Variants in BTBD16 observed in about 807,000 individuals in gnomAD.
BTBD16 encodes the protein BTB domain containing 16.
A neutral mutation model predicts 67.4 loss-of-function variants in BTBD16; 66 were observed. The observed-to-expected ratio is 0.98, with a 90% CI of 0.80 to 1.20. The LOEUF is 1.20. Ranked by LOEUF, BTBD16 falls within the 50% of genes most tolerant of loss-of-function variation. The pLI is 0.00. For missense variants in BTBD16, 634 were observed against 616.0 expected, an observed-to-expected ratio of 1.03 and a Z score of -0.31; for synonymous variants, 242 against 236.4, an observed-to-expected ratio of 1.02 and a Z score of -0.22.
intron 10 of BTBD16, among the ~76,000 whole-genome samples, chr10:122,317,710 G>A (rs940726241): frequency 3.3e-5 from 5 of 151,876 alleles, no homozygotes; most frequent in Non-Finnish European, 7.4e-5. Flanking sequence ...ACAAACACAC[G>A]TATTAGCCTA....
intron 5 of BTBD16, 124 bp downstream of exon 5, chr10:122,286,372 A>G (rs911774): frequency 0.82 from 1,111,882 of 1,362,322 alleles, 455,716 homozygotes; most frequent in East Asian, 1. Flanking sequence ...AAGGCTCCAC[A>G]GTGTTATCTC....
In BTBD16 at chr10:122,289,998, G is replaced by A. The variant is rs747392512; in HGVS notation, c.475G>A (p.Ala159Thr). 12 of 1,592,908 alleles carry A rather than the reference G, an allele frequency of 7.5e-6. No individual in the cohort carries two copies. The highest frequency in any genetic ancestry group is 5.4e-5 in the African/African-American group (4 of 74,390). The change falls in exon 6 of 16, where the codon GCC becomes ACC. Residue 159 changes from alanine to threonine, a missense_variant and splice_region_variant. Physicochemically the swap from Ala to Thr is moderately conservative, Grantham distance 58 (BLOSUM62 0). Transcript: ENST00000260723. Reference sequence around the variant, plus strand: ...CAATGACCCACTGGTCACTAAAGTCGGTATGTATATACCCGTCTATATTCT... The same window carrying A: ...CAATGACCCACTGGTCACTAAAGTCAGTATGTATATACCCGTCTATATTCT... The part of the protein sequence containing the change: ...KINDPLVTKV[A>T]FATALKNLYM...
intron 4 of BTBD16, among the ~76,000 whole-genome samples, chr10:122,284,457 A>G (rs2096359446): frequency 6.6e-6 from 1 of 152,116 alleles, no homozygotes; most frequent in Non-Finnish European, 1.5e-5. Context: ...TCAAAAAAAA[A>G]AAAAGTAGTC....
At chr10:122,281,873 G>GTCA (rs1188765842) in intron 3 of BTBD16, among the ~76,000 whole-genome samples, 1 of 152,116 alleles carries the variant, frequency 6.6e-6, no homozygotes, top group East Asian at 1.9e-4. Flanking sequence ...CTCCATCATG[G>GTCA]TCATGACTTG....
intron 15 of BTBD16, 88 bp downstream of exon 15, chr10:122,336,770 G>A: frequency 8.2e-7 from 1 of 1,226,700 alleles, no homozygotes; most frequent in Non-Finnish European, 1.1e-6. Flanking sequence ...CTAATCTCCA[G>A]TGCTCTACAC....
At chr10:122,301,606 C>T (rs11200541) in intron 9 of BTBD16, among the ~76,000 whole-genome samples, 6,132 of 152,150 alleles carry the variant, frequency 0.04, 372 homozygotes, top group East Asian at 0.23. Context: ...AGGTGGGAAA[C>T]GGTTCAGGAA....
intron 10 of BTBD16, among the ~76,000 whole-genome samples, chr10:122,317,331 A>G (rs115125092): frequency 3.3e-5 from 5 of 152,226 alleles, no homozygotes; most frequent in African/African-American, 1.2e-4. Flanking sequence ...TTAATTTTTT[A>G]CTTTTTAAAC....
chr10:122,301,129 C>A (rs957469130), intron 9 of BTBD16, among the ~76,000 whole-genome samples: 1 of 152,150 alleles, frequency 6.6e-6, no homozygotes. Context: ...GGTGCTCCCC[C>A]ACTCCCCAGC....
At chr10:122,330,765 T>G (rs1397401593) in intron 11 of BTBD16, among the ~76,000 whole-genome samples, 1 of 152,108 alleles carries the variant, frequency 6.6e-6, no homozygotes, top group Admixed American at 6.6e-5. Context: ...TTTCACTCTG[T>G]CCCCCAAGGC....
intron 15 of BTBD16, among the ~76,000 whole-genome samples, chr10:122,337,056 C>T (rs2096464419): frequency 6.6e-6 from 1 of 152,202 alleles, no homozygotes; most frequent in Non-Finnish European, 1.5e-5. Context: ...CAGCCCAGAC[C>T]CACCTGCCTC....
chr10:122,272,173 A>G (rs889235118), intron 1 of BTBD16, among the ~76,000 whole-genome samples: 22 of 152,242 alleles, frequency 1.4e-4, no homozygotes, highest in African/African-American at 4.3e-4. Context: ...AAACTCAGCC[A>G]TCAAGGAAAA....
At chr10:122,334,089 T>C (rs1315137529) in intron 13 of BTBD16, among the ~76,000 whole-genome samples, 1 of 152,196 alleles carries the variant, frequency 6.6e-6, no homozygotes, top group African/African-American at 2.4e-5. Flanking sequence ...GCTTTCCCCA[T>C]GTTTCCTAGG....
chr10:122,312,449 A>T (rs1460152662), intron 10 of BTBD16, among the ~76,000 whole-genome samples: 3 of 151,064 alleles, frequency 2.0e-5, no homozygotes, highest in African/African-American at 7.3e-5. Context: ...AGTAGCTGGG[A>T]CTATAGGCAT....
intron 14 of BTBD16, among the ~76,000 whole-genome samples, chr10:122,335,953 C>G (rs2096462663): frequency 6.6e-6 from 1 of 152,116 alleles, no homozygotes; most frequent in Admixed American, 6.5e-5. Flanking sequence ...ACTGCAACCT[C>G]CATATAAAGG....
At chr10:122,335,632 G>T (rs997326605) in intron 14 of BTBD16, among the ~76,000 whole-genome samples, 6 of 152,226 alleles carry the variant, frequency 3.9e-5, no homozygotes, top group African/African-American at 1.4e-4. Flanking sequence ...GTGTTAATCT[G>T]TGCAGGGTGG....
In BTBD16 at chr10:122,304,970, C is replaced by T. The variant is rs181748524; in HGVS notation, c.792-2219C>T. ...CCACATATCCATAAGAGCTTCCATC[C>T]GCTGAGCATGTCATGATGTGCCAGG... is the stretch of plus-strand genomic sequence containing the variant. On this transcript the variant is annotated intron_variant, in intron 9 of 15. Coordinates refer to ENST00000260723, the MANE Select transcript of BTBD16 (RefSeq NM_144587.5). Among the ~76,000 whole-genome samples the T allele has an allele frequency of 4.1e-3, 630 of 152,232 alleles. 2 individuals are homozygous for T. Among genetic ancestry groups the T allele is most frequent in the African/African-American group, 0.014 (589 of 41,530 alleles).
rs534350492 is a variant in BTBD16 at position 122,317,463 on chromosome 10, C to T, written c.911+10155C>T. Reference sequence around the variant, plus strand: ...GAGATCGAGACCATCCTGGCTAACACGGTGAAACCCTGTCTCTACTAAAAA... The same window carrying T: ...GAGATCGAGACCATCCTGGCTAACATGGTGAAACCCTGTCTCTACTAAAAA... On this transcript the variant is annotated intron_variant, in intron 10 of 15. Transcript: ENST00000260723. Among the ~76,000 whole-genome samples the T allele has an allele frequency of 7.9e-4, 120 of 151,874 alleles. 3 individuals are homozygous for T. In the South Asian group the frequency reaches 0.02, roughly 26 times the overall value.
At chr10:122,313,042 A>G (rs2096416945) in intron 10 of BTBD16, among the ~76,000 whole-genome samples, 1 of 149,834 alleles carries the variant, frequency 6.7e-6, no homozygotes, top group African/African-American at 2.5e-5. Context: ...ACGCCTGGCT[A>G]ATTTTTTGTA....
intron 9 of BTBD16, chr10:122,303,592 A>G: frequency 2.3e-6 from 1 of 429,382 alleles, no homozygotes; most frequent in Non-Finnish European, 3.1e-6. Flanking sequence ...TCACATGGTC[A>G]TGGCTTTCTC....
Sources: allele counts gnomAD v4.1 joint callset (sites outside exome capture counted in the v4.1 genomes callset), GRCh38; gene constraint gnomAD v4.1.1; transcripts MANE v1.5; gene names NCBI Gene and HGNC (gene_info 2026-07-23, HGNC 2026-07-21).